The following NRXN3 variants were observed in gnomAD, a reference collection of about 807,000 sequenced individuals.
NRXN3 encodes the protein neurexin 3.
In NRXN3, 32 loss-of-function variants were observed where a neutral mutation model predicts 137.6. The observed-to-expected ratio is 0.23, with a 90% CI of 0.18 to 0.31. The LOEUF is 0.31. Among genes scored for constraint, NRXN3 ranks in the 10% least tolerant of loss-of-function variants. The pLI, the probability that NRXN3 is intolerant of heterozygous loss-of-function variation, is 1.00. For synonymous variants in NRXN3, 798 were observed against 784.5 expected, an observed-to-expected ratio of 1.02 and a Z score of -0.29; for missense variants, 1,574 against 2,062.5, an observed-to-expected ratio of 0.76 and a Z score of 4.59.
chr14:78,261,241 A>G (rs2153475107), intron 2 of NRXN3, among the ~76,000 whole-genome samples: 1 of 152,310 alleles, frequency 6.6e-6, no homozygotes, highest in African/African-American at 2.4e-5. Flanking sequence ...TCTAGCATGC[A>G]AAGACACTGC....
chr14:79,052,510 C>T (rs1233065307), intron 15 of NRXN3, among the ~76,000 whole-genome samples: 1 of 152,186 alleles, frequency 6.6e-6, no homozygotes, highest in African/African-American at 2.4e-5. Context: ...CCTGCACTAG[C>T]CCTTGTCCTG....
chr14:78,981,738 T>C (rs34548284), intron 14 of NRXN3, among the ~76,000 whole-genome samples: 5 of 152,228 alleles, frequency 3.3e-5, no homozygotes, highest in Non-Finnish European at 7.3e-5. Context: ...TTCTGATTTG[T>C]ACAAGATTAT....
chr14:78,882,951 C>A (rs991256747), intron 10 of NRXN3, among the ~76,000 whole-genome samples: 1 of 151,982 alleles, frequency 6.6e-6, no homozygotes, highest in Non-Finnish European at 1.5e-5. Context: ...AGTGGTTACC[C>A]TCATGCTGTT....
chr14:78,566,161 C>T (rs919217558), intron 4 of NRXN3, among the ~76,000 whole-genome samples: 3 of 152,000 alleles, frequency 2.0e-5, no homozygotes, highest in Admixed American at 6.6e-5. Flanking sequence ...CCGCCCCCAA[C>T]GCCGGCCAAA....
chr14:78,684,653 G>C (rs2098109843), intron 6 of NRXN3, among the ~76,000 whole-genome samples: 1 of 152,124 alleles, frequency 6.6e-6, no homozygotes, highest in African/African-American at 2.4e-5. Context: ...AATTAGCTGG[G>C]CATGGTGGAA....
At chr14:78,802,850 G>A (rs1010958202) in intron 8 of NRXN3, among the ~76,000 whole-genome samples, 2 of 152,186 alleles carry the variant, frequency 1.3e-5, no homozygotes, top group African/African-American at 4.8e-5. Flanking sequence ...GTAGGCTGAG[G>A]CAGGAGAATT....
In NRXN3 at chr14:78,243,789, G is replaced by A. The variant is rs2067299434; in HGVS notation, c.696G>A (p.Lys232=). The part of the protein sequence containing the change: ...CDCSTTGYGG[K]LCSEDVSQDP... ...GTTCTACCACTGGCTATGGTGGCAA[G>A]CTCTGCTCAGAAGGTAAGACCCTCT... The change falls in exon 2 of 21, where the codon AAG becomes AAA. Residue 232 remains lysine (K), a synonymous_variant. Coordinates refer to ENST00000335750, the MANE Select transcript of NRXN3 (RefSeq NM_001330195.2). The surrounding 1 kb of genome is among the most constrained non-coding windows in gnomAD (Gnocchi z 4.2). 6.3e-7 allele frequency: 1 copy of A among 1,582,628 alleles called. No individual in the cohort carries two copies. Among genetic ancestry groups the A allele is most frequent in the African/African-American group, 1.3e-5 (1 of 74,684 alleles).
chr14:78,833,349 CT>C (rs1295208054), intron 10 of NRXN3, among the ~76,000 whole-genome samples: 1 of 152,158 alleles, frequency 6.6e-6, no homozygotes, highest in African/African-American at 2.4e-5. Context: ...AGATTTCTAG[CT>C]TTGTGAAGTT....
chr14:79,026,950 T>TTATATA (rs764640398), intron 15 of NRXN3, among the ~76,000 whole-genome samples: 16 of 135,112 alleles, frequency 1.2e-4, no homozygotes, highest in African/African-American at 3.9e-4. Flanking sequence ...TATTATAATT[T>TTATATA]TATATATATA....
At chr14:78,481,623 G>A (rs1265613374) in intron 4 of NRXN3, among the ~76,000 whole-genome samples, 1 of 152,174 alleles carries the variant, frequency 6.6e-6, no homozygotes, top group Non-Finnish European at 1.5e-5. Context: ...GAATTGCACA[G>A]ACAGGAGGAG....
In NRXN3 at chr14:79,594,840, C is replaced by T. The variant is rs77408812; in HGVS notation, c.3445-68938C>T. On this transcript the variant is annotated intron_variant, in intron 16 of 20. Coordinates refer to ENST00000335750, the MANE Select transcript of NRXN3 (RefSeq NM_001330195.2). ...AGCTCATCTAAGTACCTTGGTGCTT[C>T]TTTTGGGTACAAGTCCCTGTTTATT... 0.022 allele frequency among the ~76,000 whole-genome samples: 3,419 copies of T among 152,232 alleles called. 217 individuals carry two copies. In the East Asian group the frequency reaches 0.25, roughly 11 times the overall value.
At chr14:78,401,660 T>A (rs573228165) in intron 4 of NRXN3, among the ~76,000 whole-genome samples, 1 of 152,334 alleles carries the variant, frequency 6.6e-6, no homozygotes, top group South Asian at 2.1e-4. Context: ...AAACATTCAA[T>A]TCATAAATCA....
chr14:78,262,432 A>T (rs2070901233), intron 2 of NRXN3, among the ~76,000 whole-genome samples: 1 of 152,170 alleles, frequency 6.6e-6, no homozygotes, highest in East Asian at 1.9e-4. Flanking sequence ...GTCTATGTAA[A>T]GGAAGCTCTG....
chr14:79,232,238 G>A (rs572426528), intron 15 of NRXN3, among the ~76,000 whole-genome samples: 71 of 152,134 alleles, frequency 4.7e-4, no homozygotes, highest in African/African-American at 1.7e-3. Context: ...CCCTTGCCAC[G>A]TCTTTGTGTG....
chr14:79,319,870 T>G (rs1036546464), intron 15 of NRXN3, among the ~76,000 whole-genome samples: 32 of 152,270 alleles, frequency 2.1e-4, no homozygotes, highest in African/African-American at 7.2e-4. Context: ...AAACTGATTT[T>G]CTTACTAATG....
chr14:79,017,990 T>C (rs953197245), intron 15 of NRXN3, among the ~76,000 whole-genome samples: 1 of 151,944 alleles, frequency 6.6e-6, no homozygotes, highest in Non-Finnish European at 1.5e-5. Context: ...CCAGGCATGG[T>C]GGCTCATGAC....
At chr14:78,321,101 C>T (rs564165604) in intron 4 of NRXN3, among the ~76,000 whole-genome samples, 4 of 150,350 alleles carry the variant, frequency 2.7e-5, no homozygotes, top group Admixed American at 1.3e-4. Flanking sequence ...GGTGACTGAG[C>T]GAGACTTCAT....
At chr14:79,760,549 T>C (rs1425055756) in intron 19 of NRXN3, 4 of 150,806 alleles carry the variant, frequency 2.7e-5, no homozygotes, top group African/African-American at 9.9e-5. Flanking sequence ...AGAAAAAATA[T>C]TCAAACAGTA....
intron 15 of NRXN3, among the ~76,000 whole-genome samples, chr14:79,140,589 G>GTGTA (rs1295098392): frequency 6.6e-6 from 1 of 151,716 alleles, no homozygotes; most frequent in Non-Finnish European, 1.5e-5. Context: ...GTGTGTGTGT[G>GTGTA]TGTGTGTGTG....
Sources: gnomAD v4.1 joint callset for allele counts (sites outside exome capture counted in the v4.1 genomes callset) on GRCh38, gnomAD v4.1.1 for gene constraint, Gnocchi (gnomAD v3.1) non-coding constraint, MANE v1.5 for transcripts, NCBI Gene and HGNC (gene_info 2026-07-23, HGNC 2026-07-21) for gene names.